Variants in GALNT13 observed in about 807,000 individuals in gnomAD.
GALNT13 encodes the protein UDP-GalNAc:polypeptide N-acetylgalactosaminyltransferase 13.
Under a neutral mutation model 64.2 loss-of-function variants are expected in GALNT13, and 28 were observed. That is an observed-to-expected ratio of 0.44 (90% confidence interval 0.32 to 0.60). GALNT13 has a LOEUF of 0.60. Among genes scored for constraint, GALNT13 ranks in the 20% least tolerant of loss-of-function variants. The pLI is 0.05. For missense variants in GALNT13, 577 were observed against 669.8 expected, an observed-to-expected ratio of 0.86 and a Z score of 1.53; for synonymous variants, 214 against 224.6, an observed-to-expected ratio of 0.95 and a Z score of 0.42.
At chr2:153,739,701 T>TCAC in the GALNT13 span, among the ~76,000 whole-genome samples, 11 of 150,794 alleles carry the variant, frequency 7.3e-5, no homozygotes, top group East Asian at 2.1e-3. Flanking sequence ...ATCAATGTTA[T>TCAC]CACATAAACT....
the GALNT13 span, among the ~76,000 whole-genome samples, chr2:153,630,091 G>A: frequency 1.3e-5 from 2 of 149,336 alleles, no homozygotes; most frequent in Non-Finnish European, 3.0e-5. Flanking sequence ...TCAGTGTGGC[G>A]ATTCCTCAGG....
chr2:153,300,846 A>G, the GALNT13 span, among the ~76,000 whole-genome samples: 1 of 152,200 alleles, frequency 6.6e-6, no homozygotes. Flanking sequence ...AAAGAAAATC[A>G]TGAAGATCAC....
At chr2:154,443,096 C>T (rs999222239) in intron 12 of GALNT13, among the ~76,000 whole-genome samples, 1 of 152,006 alleles carries the variant, frequency 6.6e-6, no homozygotes, top group East Asian at 1.9e-4. Flanking sequence ...AAGTGCATCC[C>T]AGCCATTCCC....
At chr2:153,440,640 A>T in the GALNT13 span, among the ~76,000 whole-genome samples, 1 of 152,278 alleles carries the variant, frequency 6.6e-6, no homozygotes. Flanking sequence ...AATGATCGCC[A>T]TTCTATCTGG....
the GALNT13 span, among the ~76,000 whole-genome samples, chr2:153,490,128 C>T: frequency 2.6e-5 from 4 of 152,198 alleles, no homozygotes; most frequent in East Asian, 3.9e-4. Flanking sequence ...AGTGTCCTGG[C>T]GTGTGGAATT....
At chr2:153,205,633 A>G in the GALNT13 span, among the ~76,000 whole-genome samples, 1 of 152,132 alleles carries the variant, frequency 6.6e-6, no homozygotes. Flanking sequence ...GGTCCAATCC[A>G]ATGAATTCTT....
chr2:153,765,421 G>T, the GALNT13 span, among the ~76,000 whole-genome samples: 1 of 152,190 alleles, frequency 6.6e-6, no homozygotes, highest in East Asian at 1.9e-4. Flanking sequence ...TTTTGGACTT[G>T]CATGGGACCT....
chr2:153,942,089 CTGAG>C (rs1480634303), intron 2 of GALNT13, among the ~76,000 whole-genome samples: 5 of 152,098 alleles, frequency 3.3e-5, no homozygotes, highest in African/African-American at 1.2e-4. Flanking sequence ...TTAATTAATA[CTGAG>C]TGATTTCAGA....
At chr2:153,272,850 AG>A in the GALNT13 span, among the ~76,000 whole-genome samples, 5,180 of 152,282 alleles carry the variant, frequency 0.034, 299 homozygotes, top group African/African-American at 0.12. Context: ...ACAATCGCAA[AG>A]ACTTGGAATC....
intron 2 of GALNT13, among the ~76,000 whole-genome samples, chr2:153,923,808 G>C (rs1689922543): frequency 1.3e-5 from 2 of 148,702 alleles, no homozygotes; most frequent in Non-Finnish European, 3.0e-5. Flanking sequence ...TTTTGTCCTT[G>C]TGATAGTTTG....
chr2:154,309,060 G>A (rs1243720547), intron 9 of GALNT13, among the ~76,000 whole-genome samples: 2 of 152,116 alleles, frequency 1.3e-5, no homozygotes, highest in South Asian at 2.1e-4. Context: ...TGTCAAGTAG[G>A]AGGGACTATG....
chr2:154,321,574 C>A (rs1416646101), intron 9 of GALNT13, among the ~76,000 whole-genome samples: 1 of 151,956 alleles, frequency 6.6e-6, no homozygotes, highest in East Asian at 1.9e-4. Context: ...TACCTAATAT[C>A]TTTACACTCT....
chr2:153,816,585 A>G, the GALNT13 span, among the ~76,000 whole-genome samples: 1 of 152,152 alleles, frequency 6.6e-6, no homozygotes, highest in Non-Finnish European at 1.5e-5. Context: ...CCACAGAGAC[A>G]GAACCAATAC....
chr2:154,103,286 G>A (rs896699047), intron 3 of GALNT13, among the ~76,000 whole-genome samples: 6 of 151,952 alleles, frequency 3.9e-5, no homozygotes, highest in African/African-American at 1.5e-4. Context: ...CTAATCTATT[G>A]TGAAAGCTTT....
the GALNT13 span, among the ~76,000 whole-genome samples, chr2:153,576,647 C>A: frequency 1.3e-5 from 2 of 152,172 alleles, no homozygotes; most frequent in Non-Finnish European, 2.9e-5. Context: ...ATGGCACCTG[C>A]AATTCAATAC....
At chr2:153,645,363 A>G in the GALNT13 span, among the ~76,000 whole-genome samples, 1 of 152,152 alleles carries the variant, frequency 6.6e-6, no homozygotes, top group South Asian at 2.1e-4. Flanking sequence ...AATAGTTTAG[A>G]ACATAGTTGA....
the GALNT13 span, among the ~76,000 whole-genome samples, chr2:153,632,802 G>A: frequency 6.6e-6 from 1 of 151,980 alleles, no homozygotes; most frequent in Non-Finnish European, 1.5e-5. Flanking sequence ...GCCCAGGCTA[G>A]AGTGAGGTGG....
the GALNT13 span, among the ~76,000 whole-genome samples, chr2:153,846,322 A>G: frequency 6.6e-6 from 1 of 152,160 alleles, no homozygotes; most frequent in African/African-American, 2.4e-5. Flanking sequence ...AAGTAAAGCG[A>G]GAAATGTTTC....
intron 11 of GALNT13, among the ~76,000 whole-genome samples, chr2:154,424,918 A>G (rs1700407040): frequency 6.6e-6 from 1 of 152,238 alleles, no homozygotes; most frequent in Admixed American, 6.5e-5. Context: ...GACAGATGCT[A>G]TAAGTAAATA....
Sources: allele counts gnomAD v4.1 joint callset (sites outside exome capture counted in the v4.1 genomes callset), GRCh38; gene constraint gnomAD v4.1.1; transcripts MANE v1.5; gene names NCBI Gene and HGNC (gene_info 2026-07-23, HGNC 2026-07-21).